FSIP2: variants seen among roughly 807,000 people sequenced by gnomAD.
FSIP2 encodes fibrous sheath-interacting protein 2.
A neutral mutation model predicts 510.5 loss-of-function variants in FSIP2; 367 were observed. The ratio of observed to expected loss-of-function variants is 0.72; its 90% confidence interval spans 0.66 to 0.78. FSIP2 has a LOEUF of 0.78. FSIP2 is among the 30% of genes least tolerant of loss of function. The probability of loss-of-function intolerance (pLI) is 0.00; values close to 1 mark genes in which losing one functional copy is unlikely to be tolerated. For missense variants in FSIP2, 7,594 were observed against 7,901.7 expected (o/e 0.96, Z 1.48); for synonymous variants, 2,601 against 2,732.2 (o/e 0.95, Z 1.50).
chr2:185,762,024 A>T lies in FSIP2; in HGVS notation c.1240+7A>T, dbSNP rs148418635. 12 of 1,361,434 alleles carry T rather than the reference A, an allele frequency of 8.8e-6. No homozygotes were observed. The highest frequency in any genetic ancestry group is 3.6e-4 in the Middle Eastern group (2 of 5,494). The allele number at this position is 1,361,434 out of a possible 1,614,324, so 84.3% of individuals were successfully genotyped here. ...AGTATTTTCGATGATAGAGGTAAGA[A>T]AATAAACAATAGTCATAATTTTTCT... On this transcript the variant is annotated splice_region_variant and intron_variant, in intron 11 of 22. Transcript: ENST00000424728.
chr2:185,798,564 T>C (rs1434252734), intron 16 of FSIP2, among the ~76,000 whole-genome samples: 2 of 151,784 alleles, frequency 1.3e-5, no homozygotes, highest in Non-Finnish European at 2.9e-5. Context: ...ACATCACCAG[T>C]CCAGATACAT....
At chr2:185,741,410 C>T (rs941345153) in intron 2 of FSIP2, among the ~76,000 whole-genome samples, 1 of 152,186 alleles carries the variant, frequency 6.6e-6, no homozygotes. Context: ...AAAAGTTACT[C>T]TGGCTCAAAT....
chr2:185,799,964 T>A lies in FSIP2; in HGVS notation c.10658T>A (p.Ile3553Asn), dbSNP rs767882307. The A allele has an allele frequency of 2.0e-6, 3 of 1,528,950 alleles. No homozygotes were observed. In the South Asian group the frequency reaches 3.6e-5, roughly 18 times the overall value. The allele number at this position is 1,528,950 out of a possible 1,614,324, so 94.7% of individuals were successfully genotyped here. The change falls in exon 17 of 23, where the codon ATT becomes AAT. Residue 3553 changes from isoleucine (I) to asparagine (N), a missense_variant. Transcript: ENST00000424728. ...GTGTTTGAGAGCAGGTCAATTTCCA[T>A]TGGAGAACTTGCTTTATGTATTTCT... is the stretch of plus-strand genomic sequence containing the variant. Reference protein sequence around the residue: ...SQVFESRSISIGELALCISEI... With the variant: ...SQVFESRSISNGELALCISEI...
chr2:185,825,261 G>A (rs530630044), intron 20 of FSIP2, among the ~76,000 whole-genome samples: 8 of 151,864 alleles, frequency 5.3e-5, no homozygotes, highest in African/African-American at 1.4e-4. Context: ...TATAATGTCT[G>A]AATTGTGGAA....
chr2:185,789,646 T>A lies in FSIP2; in HGVS notation c.2510T>A (p.Phe837Tyr). 4 of 1,534,260 alleles carry A rather than the reference T, an allele frequency of 2.6e-6. No homozygotes were observed. The highest frequency in any genetic ancestry group is 3.5e-6 in the Non-Finnish European group (4 of 1,145,706). ...ILEKLMTLVSFKQNEFLHLKD... is the reference protein window; with the variant it reads ...ILEKLMTLVSYKQNEFLHLKD... ...GAAAAGCTAATGACTCTTGTTTCTT[T>A]TAAGCAAAATGAATTTCTTCATCTT... Residue 837 changes from phenylalanine (F) to tyrosine (Y), a missense_variant, in exon 16 of 23, where the codon TTT becomes TAT. Transcript: ENST00000424728.
Position 185,804,187 on chromosome 2 carries a change from C to T in FSIP2, c.14881C>T (p.Leu4961Phe). Reference protein sequence around the residue: ...EVISELLCKILYAFSHNMLVT... With the variant: ...EVISELLCKIFYAFSHNMLVT... ...AATTTCTGAGCTCTTATGCAAAATT[C>T]TTTATGCATTTTCACATAACATGTT... The change falls in exon 17 of 23, where the codon CTT becomes TTT. Residue 4961 changes from leucine (L) to phenylalanine (F), a missense_variant. Leu to Phe is a conservative substitution (Grantham distance 22, BLOSUM62 0). Transcript: ENST00000424728. The T allele has an allele frequency of 2.0e-6, 3 of 1,511,668 alleles. No homozygotes were observed. The East Asian group carries it at 7.4e-5, about 37-fold the overall frequency. 93.6% of individuals were successfully genotyped at this position (1,511,668 alleles called of 1,614,324 possible). A position where few individuals can be genotyped will look rare whatever the true frequency, so the allele number is the denominator to read the frequency against.
chr2:185,800,088 A>G lies in FSIP2; in HGVS notation c.10782A>G (p.Gly3594=). The G allele has an allele frequency of 6.5e-7, 1 of 1,533,548 alleles. No individual in the cohort carries two copies. The allele number at this position is 1,533,548 out of a possible 1,614,324, so 95.0% of individuals were successfully genotyped here. Reference sequence around the variant, plus strand: ...CTACAAAATACACTTACTGTCCAGGAATAGTTTCTGGTGGCTTTGATGACC... The same window carrying G: ...CTACAAAATACACTTACTGTCCAGGGATAGTTTCTGGTGGCTTTGATGACC... ...AIPTKYTYCP[G]IVSGGFDDLF... The change falls in exon 17 of 23, where the codon GGA becomes GGG. Residue 3594 remains glycine (G), a synonymous_variant. Coordinates refer to ENST00000424728, the MANE Select transcript of FSIP2 (RefSeq NM_173651.4).
upstream of FSIP2, chr2:185,738,639 A>G (rs1426604179): frequency 2.0e-6 from 3 of 1,536,050 alleles, no homozygotes; most frequent in African/African-American, 1.4e-5. Context: ...TGAAGTTTCA[A>G]CTGTGGTCCT....
At chr2:185,819,527 AAG>A (rs1223750376) in intron 19 of FSIP2, among the ~76,000 whole-genome samples, 7 of 151,878 alleles carry the variant, frequency 4.6e-5, no homozygotes, top group Admixed American at 1.3e-4. Context: ...CAGAAACCAA[AAG>A]AGAGGGGAAA....
rs1010685416 is a variant in FSIP2 at position 185,796,203 on chromosome 2, C to T, written c.9067C>T (p.Pro3023Ser). 12 of 1,530,506 alleles carry T rather than the reference C, an allele frequency of 7.8e-6. No homozygotes were observed. Among genetic ancestry groups the T allele is most frequent in the Non-Finnish European group, 1.0e-5 (12 of 1,144,812 alleles). 94.8% of individuals were successfully genotyped at this position (1,530,506 alleles called of 1,614,324 possible). ...TGAGTTTTCTGAAATTGTGAAAATG[C>T]CTATAGAAAACCTTTCTTCTATCCA... The part of the protein sequence containing the change: ...KYEFSEIVKM[P>S]IENLSSIQQK... The change falls in exon 16 of 23, where the codon CCT becomes TCT. Residue 3023 changes from proline (P) to serine (S), a missense_variant. Transcript: ENST00000424728.
At chr2:185,829,675 C>A (rs887373296) in intron 21 of FSIP2, among the ~76,000 whole-genome samples, 11 of 151,944 alleles carry the variant, frequency 7.2e-5, no homozygotes, top group Non-Finnish European at 1.0e-4. Context: ...AAAGAAAATT[C>A]TTCTCTGACC....
Position 185,788,735 on chromosome 2 carries a change from G to C in FSIP2, c.1599G>C (p.Lys533Asn), listed in dbSNP as rs1040476580. The change falls in exon 16 of 23, where the codon AAG becomes AAC. Residue 533 changes from lysine (K) to asparagine (N), a missense_variant. By Grantham distance (94) the Lys-to-Asn change is moderately conservative. Transcript: ENST00000424728. ...GTATATTGTACCCAGCCATCACAAA[G>C]TATGAAAAAAGATTGCAAAATAATA... ...VTSILYPAIT[K>N]YEKRLQNNTY... 2 of 1,534,044 alleles carry C rather than the reference G, an allele frequency of 1.3e-6. No individual in the cohort carries two copies. Among genetic ancestry groups the C allele is most frequent in the Admixed American group, 2.0e-5 (1 of 50,860 alleles).
intron 15 of FSIP2, 79 bp from the exon 16 acceptor site, chr2:185,788,564 A>T: frequency 1.0e-6 from 1 of 959,324 alleles, no homozygotes; most frequent in Non-Finnish European, 1.5e-6. Context: ...TATAAAAATT[A>T]AATGTTACCT....
intron 13 of FSIP2, among the ~76,000 whole-genome samples, chr2:185,771,801 T>C (rs1329700976): frequency 6.6e-6 from 1 of 152,210 alleles, no homozygotes; most frequent in East Asian, 1.9e-4. Flanking sequence ...CACCCTTTCC[T>C]TTTCTATCAC....
Position 185,801,851 on chromosome 2 carries a change from T to A in FSIP2, c.12545T>A (p.Ile4182Lys). Residue 4182 changes from isoleucine (I) to lysine (K), a missense_variant, in exon 17 of 23, where the codon ATA (isoleucine) becomes AAA (lysine). By Grantham distance (102) the Ile-to-Lys change is moderately radical. Transcript: ENST00000424728. ...SDFNEMSTCI[I>K]NKVMSAISKH... ...TTTAATGAAATGTCCACTTGTATAA[T>A]AAATAAGGTTATGTCAGCCATTTCA... 6.7e-7 allele frequency: 1 copy of A among 1,485,156 alleles called. No individual in the cohort carries two copies. The highest frequency in any genetic ancestry group is 8.9e-7 in the Non-Finnish European group (1 of 1,119,754). The allele number at this position is 1,485,156 out of a possible 1,614,324, so 92.0% of individuals were successfully genotyped here.
chr2:185,831,061 T>C (rs1694099239), intron 21 of FSIP2, among the ~76,000 whole-genome samples: 1 of 151,958 alleles, frequency 6.6e-6, no homozygotes, highest in Admixed American at 6.6e-5. Context: ...GGTAAAACTC[T>C]TGTAATAGTT....
chr2:185,805,220 A>G lies in FSIP2; in HGVS notation c.15914A>G (p.Glu5305Gly), dbSNP rs560452151. Residue 5305 changes from glutamate (E) to glycine (G), a missense_variant, in exon 17 of 23, where the codon GAG becomes GGG. Coordinates refer to ENST00000424728, the MANE Select transcript of FSIP2 (RefSeq NM_173651.4). Reference sequence around the variant, plus strand: ...GATTCTAAGAAAAATGAAATGGCAGAGCTAGATATTATGGGCTTGGCTCTA... The same window carrying G: ...GATTCTAAGAAAAATGAAATGGCAGGGCTAGATATTATGGGCTTGGCTCTA... ...TEDSKKNEMA[E>G]LDIMGLALKL... is the part of the protein sequence containing the mutation. The G allele has an allele frequency of 6.2e-7, 1 of 1,602,028 alleles. No individual in the cohort carries two copies. Among genetic ancestry groups the G allele is most frequent in the South Asian group, 1.1e-5 (1 of 88,566 alleles).
In FSIP2 at chr2:185,797,345, C is replaced by A; in HGVS notation, c.10209C>A (p.Ser3403Arg). The change falls in exon 16 of 23, where the codon AGC becomes AGA. Residue 3403 changes from serine to arginine, a missense_variant. By Grantham distance (110) the Ser-to-Arg change is moderately radical. Transcript: ENST00000424728. Reference sequence around the variant, plus strand: ...AAGAAAATGAAAACCTTGAAGCCAGCCGGGAAGATTCTTCTTTTTTGCAAA... The same window carrying A: ...AAGAAAATGAAAACCTTGAAGCCAGACGGGAAGATTCTTCTTTTTTGCAAA... ...PEEENENLEA[S>R]REDSSFLQKL... 1 of 1,527,192 alleles carries A rather than the reference C, an allele frequency of 6.5e-7. No homozygotes were observed. Among genetic ancestry groups the A allele is most frequent in the South Asian group, 1.2e-5 (1 of 81,858 alleles). 94.6% of individuals were successfully genotyped at this position (1,527,192 alleles called of 1,614,324 possible). A position where few individuals can be genotyped will look rare whatever the true frequency, so the allele number is the denominator to read the frequency against.
At chr2:185,756,747 A>T (rs1692254609) in intron 9 of FSIP2, among the ~76,000 whole-genome samples, 1 of 151,360 alleles carries the variant, frequency 6.6e-6, no homozygotes, top group Non-Finnish European at 1.5e-5. Context: ...AGCCCAAATT[A>T]CAATATAAAA....
Sources: allele counts gnomAD v4.1 joint callset (sites outside exome capture counted in the v4.1 genomes callset), GRCh38; gene constraint gnomAD v4.1.1; transcripts MANE v1.5; gene names NCBI Gene and HGNC (gene_info 2026-07-23, HGNC 2026-07-21).